Variants in DROSHA observed in about 807,000 individuals in gnomAD.
The protein encoded by DROSHA is ribonuclease 3.
A neutral mutation model predicts 181.9 loss-of-function variants in DROSHA; 56 were observed. That is an observed-to-expected ratio of 0.31 (90% CI 0.25 to 0.38). The LOEUF (loss-of-function observed/expected upper bound fraction) is 0.38, where lower values mean the gene tolerates loss of function less well. Ranked by LOEUF, DROSHA falls within the 10% of genes least tolerant of loss-of-function variation. The pLI is 1.00. For missense variants in DROSHA, 1,218 were observed against 1,743.5 expected (o/e 0.70, Z 5.37); for synonymous variants, 524 against 591.2 (o/e 0.89, Z 1.65).
chr5:31,493,564 T>C (rs1752631537), intron 12 of DROSHA, among the ~76,000 whole-genome samples: 1 of 152,234 alleles, frequency 6.6e-6, no homozygotes, highest in Non-Finnish European at 1.5e-5. Context: ...TGGGAACTTG[T>C]TTATTTAATC....
At position 31,410,789 on chromosome 5, in the gene DROSHA, C is replaced by T. The variant is rs775707454; in HGVS notation, c.3624G>A (p.Arg1208=). ...EYAITNDKTK[R]PVALRTKTLA... The stretch of plus-strand genomic sequence containing the variant: ...AGGTCTTGGTGCGAAGCGCCACAGG[C>T]CTCTTGGTCTTGTCGTTGGTTATGG... The change falls in exon 31 of 36, where the codon AGG becomes AGA. Residue 1208 remains arginine, a synonymous_variant. Transcript: ENST00000344624. The T allele has an allele frequency of 5.0e-6, 8 of 1,613,868 alleles. No homozygotes were observed. The East Asian group carries it at 6.7e-5, about 13-fold the overall frequency.
At chr5:31,518,273 T>C (rs1457828935) in intron 6 of DROSHA, among the ~76,000 whole-genome samples, 1 of 152,234 alleles carries the variant, frequency 6.6e-6, no homozygotes, top group Non-Finnish European at 1.5e-5. Context: ...ACCAACATTG[T>C]ATACAGTCTG....
chr5:31,511,880 G>C (rs1042110460), intron 8 of DROSHA, among the ~76,000 whole-genome samples: 6 of 150,938 alleles, frequency 4.0e-5, no homozygotes, highest in Non-Finnish European at 7.4e-5. Flanking sequence ...TCAATCCATC[G>C]AGCAATAAGA....
Position 31,526,251 on chromosome 5 carries a change from A to T in DROSHA, c.682T>A (p.Tyr228Asn), listed in dbSNP as rs1301126250. Residue 228 changes from tyrosine (Y) to asparagine (N), a missense_variant, in exon 5 of 36, where the codon TAT becomes AAT. Transcript: ENST00000344624. ...TGATCTCGGTGCCTGTGGTCATCAT[A>T]GTGTTTCAGCCTTTCTGGGGACCTT... ...ERRSPERLKH[Y>N]DDHRHRDHSH... 1 of 1,613,550 alleles carries T rather than the reference A, an allele frequency of 6.2e-7. No individual in the cohort carries two copies. The highest frequency in any genetic ancestry group is 8.5e-7 in the Non-Finnish European group (1 of 1,179,776).
chr5:31,488,304 T>C (rs971880321), intron 13 of DROSHA, among the ~76,000 whole-genome samples: 7 of 151,486 alleles, frequency 4.6e-5, no homozygotes, highest in Non-Finnish European at 2.9e-5. Context: ...TCCCAGCTAC[T>C]TGGGAGGCTG....
At chr5:31,511,322 T>C in intron 8 of DROSHA, 146 bp from the exon 9 acceptor site, 1 of 775,390 alleles carries the variant, frequency 1.3e-6, no homozygotes, top group Non-Finnish European at 2.0e-6. Context: ...AAAAACAAAA[T>C]GCTCAAGTAC....
chr5:31,482,197 T>C (rs569056043), intron 16 of DROSHA, among the ~76,000 whole-genome samples: 28 of 152,332 alleles, frequency 1.8e-4, no homozygotes, highest in East Asian at 5.8e-4. Context: ...ACCAAGATTA[T>C]AGACCACAGA....
chr5:31,402,648 T>C (rs1386129952), intron 35 of DROSHA, among the ~76,000 whole-genome samples: 1 of 152,104 alleles, frequency 6.6e-6, no homozygotes, highest in African/African-American at 2.4e-5. Context: ...ATATAATAGA[T>C]CCTAAATTCT....
At chr5:31,484,752 A>C (rs1751541558) in intron 15 of DROSHA, 129 bp downstream of exon 15, 1 of 671,166 alleles carries the variant, frequency 1.5e-6, no homozygotes, top group Non-Finnish European at 2.5e-6. Flanking sequence ...TGTGAATAAC[A>C]CTTTTCTCTG....
At chr5:31,527,940 G>A (rs1003178304) in intron 4 of DROSHA, among the ~76,000 whole-genome samples, 1 of 151,988 alleles carries the variant, frequency 6.6e-6, no homozygotes, top group African/African-American at 2.4e-5. Flanking sequence ...AAAACCAAAG[G>A]TCATTTTCAA....
chr5:31,464,950 A>G (rs1748836268), intron 19 of DROSHA, among the ~76,000 whole-genome samples: 1 of 152,192 alleles, frequency 6.6e-6, no homozygotes, highest in Non-Finnish European at 1.5e-5. Flanking sequence ...GGAATTCATA[A>G]TAACAGGAAC....
At chr5:31,476,851 G>A (rs1750430402) in intron 16 of DROSHA, among the ~76,000 whole-genome samples, 1 of 152,142 alleles carries the variant, frequency 6.6e-6, no homozygotes, top group South Asian at 2.1e-4. Context: ...TTCTAAAGCA[G>A]ACTAATAACT....
At position 31,470,334 on chromosome 5, in the gene DROSHA, C is replaced by T. The variant is rs982239398; in HGVS notation, c.2241+1729G>A. Among the ~76,000 whole-genome samples the T allele has an allele frequency of 3.9e-5, 6 of 152,320 alleles. No homozygotes were observed. In the East Asian group the frequency reaches 5.8e-4, roughly 15 times the overall value. On this transcript the variant is annotated intron_variant, in intron 17 of 35. Coordinates refer to ENST00000344624, the MANE Select transcript of DROSHA (RefSeq NM_001382508.1). This position sits in a 1 kb window ranked among gnomAD's most constrained non-coding sequence, Gnocchi z 4.0. ...CAGTGATAGCTCCTAAAATGAGAGGCTTTCCTGATGCATCCATTGGCTCAA... is the reference window on the plus strand; with the variant it reads ...CAGTGATAGCTCCTAAAATGAGAGGTTTTCCTGATGCATCCATTGGCTCAA...
At chr5:31,460,369 G>A (rs1444397363) in intron 20 of DROSHA, among the ~76,000 whole-genome samples, 1 of 152,164 alleles carries the variant, frequency 6.6e-6, no homozygotes, top group Non-Finnish European at 1.5e-5. Flanking sequence ...ATTGGCTGGG[G>A]CACCAGGTAG....
intron 16 of DROSHA, among the ~76,000 whole-genome samples, chr5:31,481,905 C>A (rs1345871380): frequency 1.3e-5 from 2 of 152,186 alleles, no homozygotes; most frequent in Non-Finnish European, 2.9e-5. Flanking sequence ...AGGAGGCTGC[C>A]TCTGGCATCG....
At chr5:31,440,344 ATATT>A (rs1429863645) in intron 23 of DROSHA, among the ~76,000 whole-genome samples, 1 of 152,246 alleles carries the variant, frequency 6.6e-6, no homozygotes. Context: ...TTTAATTTCC[ATATT>A]TAAAGTATCC....
At chr5:31,477,732 A>C (rs1028536622) in intron 16 of DROSHA, among the ~76,000 whole-genome samples, 3 of 152,260 alleles carry the variant, frequency 2.0e-5, no homozygotes, top group African/African-American at 7.2e-5. Context: ...ATCTTGAATC[A>C]CGACCTACCT....
chr5:31,405,882 C>G (rs1416268797), intron 34 of DROSHA, among the ~76,000 whole-genome samples, 159 bp from the exon 35 acceptor site: 1 of 146,610 alleles, frequency 6.8e-6, no homozygotes, highest in Non-Finnish European at 1.5e-5. Flanking sequence ...GTGTCACACA[C>G]TGAATTGCAC....
At chr5:31,504,688 T>C (rs1158703095) in intron 10 of DROSHA, 53 bp from the exon 11 acceptor site, 11 of 1,582,454 alleles carry the variant, frequency 7.0e-6, no homozygotes, top group Non-Finnish European at 7.8e-6. Context: ...ATCCACACCA[T>C]GCACGGTGAT....
Sources: gnomAD v4.1 joint callset for allele counts (sites outside exome capture counted in the v4.1 genomes callset) on GRCh38, gnomAD v4.1.1 for gene constraint, Gnocchi (gnomAD v3.1) non-coding constraint, MANE v1.5 for transcripts, NCBI Gene and HGNC (gene_info 2026-07-23, HGNC 2026-07-21) for gene names.